AGBL1: variants seen among roughly 807,000 people sequenced by gnomAD.
AGBL1 encodes the protein cytosolic carboxypeptidase 4.
Under a neutral mutation model 118.9 loss-of-function variants are expected in AGBL1, and 130 were observed. That is an observed-to-expected ratio of 1.09 (90% CI 0.95 to 1.26). The LOEUF (loss-of-function observed/expected upper bound fraction) is 1.26. AGBL1 is among the 50% of genes most tolerant of loss of function. AGBL1 has a pLI of 0.00. For missense variants in AGBL1, 1,584 were observed against 1,298.1 expected, an observed-to-expected ratio of 1.22 and a Z score of -3.38; for synonymous variants, 555 against 478.9, an observed-to-expected ratio of 1.16 and a Z score of -2.08.
chr15:86,228,736 C>T (rs1413769378), intron 6 of AGBL1, among the ~76,000 whole-genome samples: 1 of 152,218 alleles, frequency 6.6e-6, no homozygotes, highest in Admixed American at 6.5e-5. Context: ...GTAGTGACTG[C>T]ATGAAAAGCC....
intron 22 of AGBL1, among the ~76,000 whole-genome samples, chr15:86,870,807 G>A (rs751831092): frequency 6.6e-6 from 1 of 152,190 alleles, no homozygotes; most frequent in Non-Finnish European, 1.5e-5. Flanking sequence ...TACATCATAT[G>A]TACTGAGATT....
intron 17 of AGBL1, among the ~76,000 whole-genome samples, chr15:86,327,714 A>G (rs1321740979): frequency 6.6e-6 from 1 of 152,262 alleles, no homozygotes; most frequent in East Asian, 1.9e-4. Context: ...TTAATTGCCC[A>G]AAGAGACAGG....
intron 22 of AGBL1, among the ~76,000 whole-genome samples, chr15:86,843,313 A>T (rs2079271243): frequency 6.6e-6 from 1 of 152,096 alleles, no homozygotes; most frequent in Non-Finnish European, 1.5e-5. Flanking sequence ...TATAGGTTTC[A>T]TGCAGGCAAC....
At chr15:86,167,532 C>A (rs548750923) in intron 5 of AGBL1, among the ~76,000 whole-genome samples, 5 of 152,228 alleles carry the variant, frequency 3.3e-5, no homozygotes, top group African/African-American at 1.2e-4. Context: ...AGGCGTGAAC[C>A]GCCATGCCTG....
intron 17 of AGBL1, among the ~76,000 whole-genome samples, chr15:86,337,604 G>T (rs1440858781): frequency 6.6e-6 from 1 of 152,126 alleles, no homozygotes; most frequent in Non-Finnish European, 1.5e-5. Context: ...ACTAACACAG[G>T]AACAGAAAAC....
At chr15:86,945,168 C>A (rs1323075728) in intron 23 of AGBL1, among the ~76,000 whole-genome samples, 1 of 148,052 alleles carries the variant, frequency 6.8e-6, no homozygotes, top group African/African-American at 2.5e-5. Context: ...TCGCCTGAAC[C>A]AGGAGTTCGA....
intron 22 of AGBL1, among the ~76,000 whole-genome samples, chr15:86,827,264 C>G: frequency 7.6e-6 from 1 of 132,294 alleles, no homozygotes; most frequent in Non-Finnish European, 1.6e-5. Context: ...TCAAGCATAT[C>G]TCATAGTGGG....
At chr15:86,139,201 G>A (rs1237315867) in intron 1 of AGBL1, among the ~76,000 whole-genome samples, 2 of 152,198 alleles carry the variant, frequency 1.3e-5, no homozygotes, top group African/African-American at 4.8e-5. Context: ...CAGTGGAGAA[G>A]ATGTTAGAGG....
intron 21 of AGBL1, among the ~76,000 whole-genome samples, chr15:86,590,096 G>A (rs891258784): frequency 6.6e-6 from 1 of 152,166 alleles, no homozygotes; most frequent in African/African-American, 2.4e-5. Flanking sequence ...GGCCTCCCCA[G>A]TGGGCTGCAA....
intron 16 of AGBL1, among the ~76,000 whole-genome samples, chr15:86,286,735 G>GTGTGTGTATATATA: frequency 9.4e-5 from 10 of 106,236 alleles, no homozygotes; most frequent in African/African-American, 3.9e-4. Context: ...GTTTGTGTGT[G>GTGTGTGTATATATA]TATATATATA....
At chr15:86,478,318 T>C (rs1241385888) in intron 18 of AGBL1, among the ~76,000 whole-genome samples, 2 of 152,186 alleles carry the variant, frequency 1.3e-5, no homozygotes, top group African/African-American at 4.8e-5. Flanking sequence ...GACATGATTG[T>C]ATATTTAGAA....
chr15:86,448,107 T>A (rs1345263060), intron 18 of AGBL1, among the ~76,000 whole-genome samples: 1 of 152,128 alleles, frequency 6.6e-6, no homozygotes, highest in Non-Finnish European at 1.5e-5. Flanking sequence ...ATCACGCCAC[T>A]GCACTCCAGC....
intron 23 of AGBL1, among the ~76,000 whole-genome samples, chr15:86,937,715 G>T (rs111508252): frequency 6.6e-6 from 1 of 152,062 alleles, no homozygotes; most frequent in African/African-American, 2.4e-5. Flanking sequence ...TTAATACCTG[G>T]GTGATGAAAT....
intron 18 of AGBL1, among the ~76,000 whole-genome samples, chr15:86,480,327 A>G (rs942722511): frequency 6.6e-6 from 1 of 152,184 alleles, no homozygotes; most frequent in Non-Finnish European, 1.5e-5. Flanking sequence ...CATATTGTAT[A>G]CTGTAAATGT....
At chr15:87,005,943 GT>G (rs1160794885) in intron 24 of AGBL1, among the ~76,000 whole-genome samples, 5 of 152,214 alleles carry the variant, frequency 3.3e-5, no homozygotes, top group African/African-American at 1.2e-4. Flanking sequence ...GTCTGTTGGA[GT>G]TTGCTGGAGG....
chr15:86,516,554 C>T (rs1428858164), intron 18 of AGBL1, among the ~76,000 whole-genome samples: 1 of 152,188 alleles, frequency 6.6e-6, no homozygotes, highest in Non-Finnish European at 1.5e-5. Flanking sequence ...CATCCCAGCA[C>T]TTTGGAAGGC....
intron 18 of AGBL1, among the ~76,000 whole-genome samples, chr15:86,517,617 G>C (rs536576646): frequency 6.6e-6 from 1 of 152,300 alleles, no homozygotes; most frequent in African/African-American, 2.4e-5. Context: ...GTTCCTGGAG[G>C]TGTGTAGGAA....
At position 86,914,879 on chromosome 15, in the gene AGBL1, T is replaced by G. The variant is rs2080399856; in HGVS notation, c.*7585T>G. 6.6e-6 allele frequency: 1 copy of G among 152,186 alleles called. No homozygotes were observed. Among genetic ancestry groups the G allele is most frequent in the Non-Finnish European group, 1.5e-5 (1 of 68,034 alleles). 9.4% of individuals were successfully genotyped at this position (152,186 alleles called of 1,614,324 possible). Reference sequence around the variant, plus strand: ...TGTAGATCCTTGACTCAAATACAAGTAACTCCTACTGGCCATTTCTGCATA... The same window carrying G: ...TGTAGATCCTTGACTCAAATACAAGGAACTCCTACTGGCCATTTCTGCATA... On this transcript the variant is annotated 3_prime_UTR_variant, in exon 23 of 23. Transcript: ENST00000614907.
chr15:86,654,617 A>G (rs941517117), intron 21 of AGBL1, among the ~76,000 whole-genome samples: 5 of 152,144 alleles, frequency 3.3e-5, no homozygotes, highest in African/African-American at 1.2e-4. Context: ...ATCCACATAC[A>G]TTCATGGAAA....
Sources: allele counts gnomAD v4.1 joint callset (sites outside exome capture counted in the v4.1 genomes callset), GRCh38; gene constraint gnomAD v4.1.1; transcripts MANE v1.5; gene names NCBI Gene and HGNC (gene_info 2026-07-23, HGNC 2026-07-21).